Variants in NFKBIZ observed in about 807,000 individuals in gnomAD.
The protein encoded by NFKBIZ is NFKB inhibitor zeta.
In NFKBIZ, 19 loss-of-function variants were observed where a neutral mutation model predicts 76.8. That is an observed-to-expected ratio of 0.25 (90% confidence interval 0.17 to 0.36). The LOEUF is 0.36. Ranked by LOEUF, NFKBIZ falls within the 10% of genes least tolerant of loss-of-function variation. The pLI, the probability that NFKBIZ is intolerant of heterozygous loss-of-function variation, is 1.00. For synonymous variants in NFKBIZ, 368 were observed against 354.8 expected, an observed-to-expected ratio of 1.04 and a Z score of -0.42; for missense variants, 829 against 910.9, an observed-to-expected ratio of 0.91 and a Z score of 1.16.
chr3:101,859,668 G>T lies in NFKBIZ; in HGVS notation c.*297G>T, dbSNP rs1195283529. On this transcript the variant is annotated 3_prime_UTR_variant, in exon 12 of 12. Coordinates refer to ENST00000326172, the MANE Select transcript of NFKBIZ (RefSeq NM_031419.4). ...TAGCTTTTGAGTAGGAAAGGACTTT[G>T]ATTTGTGGCACAAAACATTATTAAT... The T allele has an allele frequency of 1.3e-5, 3 of 231,708 alleles. No homozygotes were observed. 14.4% of individuals were successfully genotyped at this position (231,708 alleles called of 1,614,324 possible). A position where few individuals can be genotyped will look rare whatever the true frequency, so the allele number is the denominator to read the frequency against.
upstream of NFKBIZ, chr3:101,849,506 C>T: frequency 2.3e-6 from 2 of 856,402 alleles, no homozygotes; most frequent in South Asian, 4.5e-5. Context: ...CAGTCCCGCG[C>T]CGCGCCCGTA....
rs750091339 is a variant in NFKBIZ, at chr3:101,852,095, T to C, written c.300T>C (p.His100=). Residue 100 remains histidine, a synonymous_variant, in exon 2 of 12, where the codon CAT becomes CAC. Coordinates refer to ENST00000326172, the MANE Select transcript of NFKBIZ (RefSeq NM_031419.4). ...TTTTCTTTTGAACAGTTGAGCCCCA[T>C]ATGGGGGTTGGCAGGCAGCAGAGAG... ...ARAERQPVEP[H]MGVGRQQRGP... is the part of the protein sequence containing the mutation. 1 of 1,614,136 alleles carries C rather than the reference T, an allele frequency of 6.2e-7. No individual in the cohort carries two copies. The highest frequency in any genetic ancestry group is 1.3e-5 in the African/African-American group (1 of 75,064).
intron 2 of NFKBIZ, among the ~76,000 whole-genome samples, chr3:101,840,659 T>C (rs1259903225): frequency 6.6e-6 from 1 of 152,220 alleles, no homozygotes; most frequent in Non-Finnish European, 1.5e-5. Flanking sequence ...TGCAAAGGTA[T>C]TTCAGGGTAC....
chr3:101,845,955 T>C (rs1323375301), upstream of NFKBIZ, among the ~76,000 whole-genome samples: 3 of 152,208 alleles, frequency 2.0e-5, no homozygotes, highest in East Asian at 5.8e-4. Flanking sequence ...TCAGAGTCAG[T>C]TAGATGAAGA....
chr3:101,842,092 G>C (rs985317936), intron 2 of NFKBIZ, among the ~76,000 whole-genome samples: 1 of 152,174 alleles, frequency 6.6e-6, no homozygotes, highest in African/African-American at 2.4e-5. Context: ...ATAGAAGTCT[G>C]TGTGGGGACT....
chr3:101,859,711 C>A lies in NFKBIZ; in HGVS notation c.*340C>A. The A allele has an allele frequency of 1.1e-5, 2 of 176,504 alleles. No homozygotes were observed. Among genetic ancestry groups the A allele is most frequent in the Admixed American group, 5.7e-5 (1 of 17,432 alleles). 10.9% of individuals were successfully genotyped at this position (176,504 alleles called of 1,614,324 possible). A position where few individuals can be genotyped will look rare whatever the true frequency, so the allele number is the denominator to read the frequency against. Reference sequence around the variant, plus strand: ...TTATTAATATAGCTATTGACAGTTTCAAAGCAGGTAAATTGTAAATGTTTC... The same window carrying A: ...TTATTAATATAGCTATTGACAGTTTAAAAGCAGGTAAATTGTAAATGTTTC... On this transcript the variant is annotated 3_prime_UTR_variant, in exon 12 of 12. Transcript: ENST00000326172.
chr3:101,858,980 A>G (rs1943095463), intron 11 of NFKBIZ, among the ~76,000 whole-genome samples: 1 of 152,216 alleles, frequency 6.6e-6, no homozygotes, highest in Non-Finnish European at 1.5e-5. Flanking sequence ...TTACTGTCTT[A>G]TGTTAAATGT....
At chr3:101,839,551 A>C (rs1039743092) in intron 2 of NFKBIZ, among the ~76,000 whole-genome samples, 3 of 152,210 alleles carry the variant, frequency 2.0e-5, no homozygotes, top group African/African-American at 7.2e-5. Flanking sequence ...TCACCTTCCA[A>C]ATTTAGCCTT....
chr3:101,830,955 A>T (rs1311513706), intron 2 of NFKBIZ, among the ~76,000 whole-genome samples: 1 of 152,392 alleles, frequency 6.6e-6, no homozygotes, highest in East Asian at 1.9e-4. Context: ...TGTTATATCT[A>T]TAAAATGCCA....
intron 2 of NFKBIZ, chr3:101,829,779 A>G (rs965945758): frequency 2.6e-5 from 4 of 151,832 alleles, no homozygotes; most frequent in African/African-American, 9.7e-5. Context: ...TTTTTCTAAG[A>G]TTTTTCTCTT....
chr3:101,856,563 G>A (rs967286704), intron 9 of NFKBIZ: 3 of 152,570 alleles, frequency 2.0e-5, no homozygotes, highest in Non-Finnish European at 4.4e-5. Flanking sequence ...TGTAGGATGT[G>A]GAATTCATCT....
At chr3:101,849,442 C>A (rs550714366), upstream of NFKBIZ, 3 of 417,498 alleles carry the variant, frequency 7.2e-6, no homozygotes, top group Non-Finnish European at 1.2e-5. Context: ...CCGCCAATGG[C>A]CGGGCCGGGC....
chr3:101,833,419 A>G (rs190030918), intron 2 of NFKBIZ, among the ~76,000 whole-genome samples: 20 of 152,308 alleles, frequency 1.3e-4, no homozygotes, highest in Admixed American at 1.2e-3. Flanking sequence ...ATTTTGGTTG[A>G]ACAAATAACC....
chr3:101,849,474 T>C (rs533412785), upstream of NFKBIZ: 921 of 585,686 alleles, frequency 1.6e-3, 6 homozygotes, highest in African/African-American at 0.016. Flanking sequence ...CGGCGAGCGC[T>C]GCGGCCCGTT....
At chr3:101,854,818 T>C in intron 6 of NFKBIZ, 135 bp downstream of exon 6, 1 of 764,134 alleles carries the variant, frequency 1.3e-6, no homozygotes. Context: ...AGATGTTGAC[T>C]TTTTGCTACC....
chr3:101,837,491 C>A (rs1306173243), intron 2 of NFKBIZ, among the ~76,000 whole-genome samples: 54 of 93,062 alleles, frequency 5.8e-4, no homozygotes, highest in African/African-American at 1.1e-3. Flanking sequence ...GATCCTGTCT[C>A]AAAAAAAAAA....
At chr3:101,858,794 T>C (rs1358519341) in intron 11 of NFKBIZ, among the ~76,000 whole-genome samples, 3 of 152,226 alleles carry the variant, frequency 2.0e-5, no homozygotes, top group Non-Finnish European at 2.9e-5. Context: ...AGCCGGGATC[T>C]TTTCTGTGAT....
At chr3:101,832,397 C>A (rs1942658683) in intron 2 of NFKBIZ, among the ~76,000 whole-genome samples, 1 of 152,080 alleles carries the variant, frequency 6.6e-6, no homozygotes, top group Non-Finnish European at 1.5e-5. Context: ...CTTTTGCCAC[C>A]ACCCATTTCT....
chr3:101,855,976 T>A, intron 9 of NFKBIZ, 74 bp downstream of exon 9: 1 of 1,338,804 alleles, frequency 7.5e-7, no homozygotes, highest in Non-Finnish European at 1.0e-6. Context: ...TGCTTCCAAG[T>A]ACAGATTCAA....
Sources: gnomAD v4.1 joint callset for allele counts (sites outside exome capture counted in the v4.1 genomes callset) on GRCh38, gnomAD v4.1.1 for gene constraint, MANE v1.5 for transcripts, NCBI Gene and HGNC (gene_info 2026-07-23, HGNC 2026-07-21) for gene names.